ATP6V0D2: variants seen among roughly 807,000 people sequenced by gnomAD.
ATP6V0D2 encodes the protein V-type proton ATPase subunit d 2.
ATP6V0D2 carries 40 observed loss-of-function variants against 40.0 expected under a neutral mutation model. The ratio of observed to expected loss-of-function variants is 1.00; its 90% CI spans 0.78 to 1.30. The LOEUF (loss-of-function observed/expected upper bound fraction) is 1.30. ATP6V0D2 is among the 50% of genes most tolerant of loss of function. The pLI, the probability that ATP6V0D2 is intolerant of heterozygous loss-of-function variation, is 0.00. For missense variants in ATP6V0D2, 470 were observed against 423.1 expected, an observed-to-expected ratio of 1.11 and a Z score of -0.97; for synonymous variants, 179 against 156.3, an observed-to-expected ratio of 1.15 and a Z score of -1.08.
At chr8:86,141,254 C>T (rs990265695) in intron 3 of ATP6V0D2, among the ~76,000 whole-genome samples, 196 bp from the exon 4 acceptor site, 3 of 152,190 alleles carry the variant, frequency 2.0e-5, no homozygotes, top group Admixed American at 6.5e-5. Context: ...TTAGGGCTTA[C>T]ACATGATAAA....
intron 3 of ATP6V0D2, 34 bp from the exon 4 acceptor site, chr8:86,141,416 A>T: frequency 6.5e-7 from 1 of 1,543,870 alleles, no homozygotes; most frequent in Non-Finnish European, 8.9e-7. Context: ...CTTGCTTAAG[A>T]TTCATTTTTT....
chr8:86,100,546 C>T (rs1031602646), intron 1 of ATP6V0D2, among the ~76,000 whole-genome samples: 1 of 152,124 alleles, frequency 6.6e-6, no homozygotes, highest in Non-Finnish European at 1.5e-5. Context: ...ACCCAAGTTA[C>T]GACAAACCCT....
intron 1 of ATP6V0D2, among the ~76,000 whole-genome samples, chr8:86,106,111 C>CT (rs376673986): frequency 8.3e-4 from 121 of 146,284 alleles, no homozygotes; most frequent in Admixed American, 2.5e-3. Flanking sequence ...TAACATGGTG[C>CT]TTTTTTTTTT....
intron 3 of ATP6V0D2, 76 bp from the exon 4 acceptor site, chr8:86,141,374 G>T: frequency 9.8e-7 from 1 of 1,023,340 alleles, no homozygotes; most frequent in Non-Finnish European, 1.5e-6. Flanking sequence ...AGAGGGTGGT[G>T]TGTTCAGGAT....
intron 1 of ATP6V0D2, among the ~76,000 whole-genome samples, chr8:86,104,878 C>CACACACAT (rs928397464): frequency 6.6e-5 from 10 of 151,744 alleles, no homozygotes; most frequent in African/African-American, 2.4e-4. Flanking sequence ...CACACACACA[C>CACACACAT]ATCAAGAGCT....
chr8:86,126,796 A>G (rs1487553131), intron 2 of ATP6V0D2, among the ~76,000 whole-genome samples: 1 of 152,194 alleles, frequency 6.6e-6, no homozygotes, highest in Non-Finnish European at 1.5e-5. Context: ...GGAGAAGGGT[A>G]GGAACCAAGA....
At chr8:86,145,000 C>CAA (rs777644427) in intron 5 of ATP6V0D2, among the ~76,000 whole-genome samples, 78,966 of 137,416 alleles carry the variant, frequency 0.57, 24,327 homozygotes, top group Middle Eastern at 0.83. Context: ...ACTAACAATA[C>CAA]AAAAAAAAAA....
chr8:86,141,329 A>T, intron 3 of ATP6V0D2, 121 bp from the exon 4 acceptor site: 1 of 628,660 alleles, frequency 1.6e-6, no homozygotes, highest in Non-Finnish European at 2.8e-6. Context: ...GAGTGTATGG[A>T]TTGCAACTCT....
chr8:86,152,790 C>T (rs2129649730), intron 7 of ATP6V0D2, 26 bp from the exon 8 acceptor site: 4 of 1,575,778 alleles, frequency 2.5e-6, no homozygotes, highest in Non-Finnish European at 3.4e-6. Flanking sequence ...AGTTGATGAT[C>T]TGTGTTACTT....
At chr8:86,118,267 T>A (rs933262892) in intron 2 of ATP6V0D2, among the ~76,000 whole-genome samples, 1 of 150,660 alleles carries the variant, frequency 6.6e-6, no homozygotes, top group African/African-American at 2.4e-5. Context: ...AGAGATAGGG[T>A]TTCCCCATGT....
At chr8:86,132,374 T>C (rs777198110) in intron 2 of ATP6V0D2, among the ~76,000 whole-genome samples, 1 of 152,178 alleles carries the variant, frequency 6.6e-6, no homozygotes, top group Non-Finnish European at 1.5e-5. Flanking sequence ...TCATACATTG[T>C]TGTTAACTAT....
At chr8:86,114,940 T>C (rs1339909134) in intron 2 of ATP6V0D2, among the ~76,000 whole-genome samples, 1 of 152,126 alleles carries the variant, frequency 6.6e-6, no homozygotes, top group Non-Finnish European at 1.5e-5. Context: ...TCAATATATT[T>C]GTGGAAAGAA....
At chr8:86,150,392 A>G in intron 6 of ATP6V0D2, 104 bp downstream of exon 6, 1 of 1,164,378 alleles carries the variant, frequency 8.6e-7, no homozygotes, top group Non-Finnish European at 1.2e-6. Context: ...AAGAAGTAAT[A>G]ATATTTGTAA....
chr8:86,141,536 G>T lies in ATP6V0D2; in HGVS notation c.561+7G>T. On this transcript the variant is annotated splice_region_variant and intron_variant, in intron 4 of 7. Coordinates refer to ENST00000285393, the MANE Select transcript of ATP6V0D2 (RefSeq NM_152565.1). ...ACGCAATAAACTATACAAGGTAATG[G>T]TTTTCCCAAATATTGTCTTTTTCTT... 1 of 1,571,282 alleles carries T rather than the reference G, an allele frequency of 6.4e-7. No individual in the cohort carries two copies. Among genetic ancestry groups the T allele is most frequent in the Non-Finnish European group, 8.7e-7 (1 of 1,151,002 alleles).
At chr8:86,117,293 T>G (rs1818602947) in intron 2 of ATP6V0D2, among the ~76,000 whole-genome samples, 1 of 152,224 alleles carries the variant, frequency 6.6e-6, no homozygotes, top group Non-Finnish European at 1.5e-5. Context: ...ATAAACCCAC[T>G]TGTCTTTTCT....
chr8:86,126,236 C>CTG (rs1818740496), intron 2 of ATP6V0D2, among the ~76,000 whole-genome samples: 1 of 77,120 alleles, frequency 1.3e-5, no homozygotes, highest in Non-Finnish European at 2.9e-5. Context: ...CGTGCTCAGC[C>CTG]TATATATATA....
intron 5 of ATP6V0D2, among the ~76,000 whole-genome samples, chr8:86,144,168 G>A (rs1236777539): frequency 6.6e-6 from 1 of 152,150 alleles, no homozygotes; most frequent in African/African-American, 2.4e-5. Context: ...GAGTCCTCTT[G>A]CATAAGAATG....
At position 86,151,508 on chromosome 8, in the gene ATP6V0D2, A is replaced by G. The variant is rs754031062; in HGVS notation, c.859A>G (p.Lys287Glu). ...LFEAVGGSGG[K>E]TLEDVFYERE... ...TGAAGCTGTAGGTGGCAGTGGGGGA[A>G]AGACATTGGAGGACGTGTTTTACGA... The change falls in exon 7 of 8, where the codon AAG (lysine) becomes GAG (glutamate). Residue 287 changes from lysine to glutamate, a missense_variant. Coordinates refer to ENST00000285393, the MANE Select transcript of ATP6V0D2 (RefSeq NM_152565.1). The G allele has an allele frequency of 8.7e-6, 14 of 1,608,160 alleles. No homozygotes were observed. The East Asian group carries it at 3.1e-4, about 36-fold the overall frequency.
chr8:86,134,348 AAG>A (rs1260367273), intron 2 of ATP6V0D2, among the ~76,000 whole-genome samples: 1 of 152,204 alleles, frequency 6.6e-6, no homozygotes, highest in Non-Finnish European at 1.5e-5. Flanking sequence ...AAATGATAAA[AAG>A]AGTAATCTTG....
Sources: allele counts gnomAD v4.1 joint callset (sites outside exome capture counted in the v4.1 genomes callset), GRCh38; gene constraint gnomAD v4.1.1; transcripts MANE v1.5; gene names NCBI Gene and HGNC (gene_info 2026-07-23, HGNC 2026-07-21).